RAI14: variants seen among roughly 807,000 people sequenced by gnomAD.
The protein encoded by RAI14 is ankycorbin.
In RAI14, 45 loss-of-function variants were observed where a neutral mutation model predicts 115.4. The ratio of observed to expected loss-of-function variants is 0.39; its 90% CI spans 0.31 to 0.50. The LOEUF (loss-of-function observed/expected upper bound fraction) is 0.50, where lower values mean the gene tolerates loss of function less well. Among genes scored for constraint, RAI14 ranks in the 20% least tolerant of loss-of-function variants. RAI14 has a pLI of 0.85. For synonymous variants in RAI14, 371 were observed against 415.4 expected, an observed-to-expected ratio of 0.89 and a Z score of 1.30; for missense variants, 939 against 1,131.2, an observed-to-expected ratio of 0.83 and a Z score of 2.44.
chr5:34,759,532 A>C (rs1748345299), intron 3 of RAI14, among the ~76,000 whole-genome samples: 2 of 152,162 alleles, frequency 1.3e-5, no homozygotes, highest in African/African-American at 4.8e-5. Flanking sequence ...TGCACATGCG[A>C]GGGATCTAGG....
rs565042013 is a variant in RAI14 at position 34,784,932 on chromosome 5, A to G, written c.168-11007A>G. 1.1e-4 allele frequency among the ~76,000 whole-genome samples: 17 copies of G among 152,326 alleles called. No homozygotes were observed. The South Asian group carries it at 3.3e-3, about 30-fold the overall frequency. On this transcript the variant is annotated intron_variant, in intron 3 of 17. Transcript: ENST00000265109. ...TTTTGAAAGTCATTTAATGTTTTCAATTGATCCCTACCTATGGCTACTTTC... is the reference window on the plus strand; with the variant it reads ...TTTTGAAAGTCATTTAATGTTTTCAGTTGATCCCTACCTATGGCTACTTTC...
chr5:34,758,925 G>T (rs1023910875), intron 3 of RAI14, among the ~76,000 whole-genome samples: 3 of 152,114 alleles, frequency 2.0e-5, no homozygotes, highest in African/African-American at 7.2e-5. Flanking sequence ...CACCCAAGGG[G>T]TAAGAAACCT....
At chr5:34,756,704 G>C (rs1462955967) in intron 2 of RAI14, among the ~76,000 whole-genome samples, 5 of 152,030 alleles carry the variant, frequency 3.3e-5, no homozygotes, top group Non-Finnish European at 7.4e-5. Flanking sequence ...GTCTTTCTTA[G>C]TCTTATATTC....
chr5:34,824,786 A>T (rs1757270425), intron 15 of RAI14, among the ~76,000 whole-genome samples: 1 of 152,016 alleles, frequency 6.6e-6, no homozygotes, highest in African/African-American at 2.4e-5. Context: ...TCTACTAAAA[A>T]TACAAAAATT....
At chr5:34,761,629 G>A (rs1239291314) in intron 3 of RAI14, among the ~76,000 whole-genome samples, 1 of 152,122 alleles carries the variant, frequency 6.6e-6, no homozygotes, top group Admixed American at 6.5e-5. Context: ...TTCTGGAAGT[G>A]GAGCTGTCTG....
At chr5:34,804,334 C>A (rs1202425979) in intron 5 of RAI14, among the ~76,000 whole-genome samples, 1 of 152,166 alleles carries the variant, frequency 6.6e-6, no homozygotes. Context: ...TTGTAATGAT[C>A]CCTTAAAGTG....
chr5:34,753,645 G>A (rs1747446707), intron 2 of RAI14, among the ~76,000 whole-genome samples: 1 of 152,108 alleles, frequency 6.6e-6, no homozygotes, highest in Admixed American at 6.5e-5. Context: ...GCCAGGTATT[G>A]TGAGTCACAC....
chr5:34,804,870 A>C (rs1224885169), intron 5 of RAI14, among the ~76,000 whole-genome samples: 1 of 152,104 alleles, frequency 6.6e-6, no homozygotes, highest in African/African-American at 2.4e-5. Flanking sequence ...GCCCTACCTC[A>C]ATTTTTAAGT....
At chr5:34,741,974 A>G (rs2150048846) in intron 2 of RAI14, among the ~76,000 whole-genome samples, 1 of 152,326 alleles carries the variant, frequency 6.6e-6, no homozygotes, top group Non-Finnish European at 1.5e-5. Flanking sequence ...GTCTAGCACG[A>G]TGCCTGGCAA....
At chr5:34,778,182 G>T (rs1370519442) in intron 3 of RAI14, among the ~76,000 whole-genome samples, 1 of 152,232 alleles carries the variant, frequency 6.6e-6, no homozygotes, top group African/African-American at 2.4e-5. Context: ...AAATGACAGT[G>T]TGAAGTTTTT....
At chr5:34,789,313 C>A (rs1752667141) in intron 3 of RAI14, among the ~76,000 whole-genome samples, 1 of 152,240 alleles carries the variant, frequency 6.6e-6, no homozygotes, top group Non-Finnish European at 1.5e-5. Flanking sequence ...ACTGACTGGT[C>A]ATGTTTTTCT....
chr5:34,811,693 T>A, intron 8 of RAI14, 74 bp from the exon 9 acceptor site: 1 of 1,352,832 alleles, frequency 7.4e-7, no homozygotes, highest in Non-Finnish European at 1.0e-6. Flanking sequence ...TCTCTTTTTT[T>A]AAGACAACTG....
chr5:34,669,423 C>T (rs182452925), intron 1 of RAI14, among the ~76,000 whole-genome samples: 3 of 152,282 alleles, frequency 2.0e-5, no homozygotes, highest in Admixed American at 6.5e-5. Flanking sequence ...AGTGCATAGT[C>T]CCTACAACAA....
In RAI14 at chr5:34,702,445, C is replaced by G. The variant is rs1436952123; in HGVS notation, c.36+15490C>G. 1.3e-5 allele frequency among the ~76,000 whole-genome samples: 2 copies of G among 152,192 alleles called. 1 individual carries two copies. Among genetic ancestry groups the G allele is most frequent in the African/African-American group, 4.8e-5 (2 of 41,446 alleles). ...CAGTGAACCTAGAACGAGCCCCTCA[C>G]GCCAGCCTGGGCGATCAAGCAAGAC... On this transcript the variant is annotated intron_variant, in intron 2 of 17. Coordinates refer to ENST00000265109, the MANE Select transcript of RAI14 (RefSeq NM_015577.3).
chr5:34,755,780 G>A (rs1282427483), intron 2 of RAI14, among the ~76,000 whole-genome samples: 1 of 152,178 alleles, frequency 6.6e-6, no homozygotes, highest in Admixed American at 6.5e-5. Context: ...AGACAGTCCT[G>A]TTCTAGAGTA....
intron 2 of RAI14, among the ~76,000 whole-genome samples, chr5:34,735,978 G>A (rs1268525211): frequency 1.3e-5 from 2 of 152,246 alleles, no homozygotes; most frequent in African/African-American, 2.4e-5. Flanking sequence ...CTTTTACTCA[G>A]CAGTTAATAT....
At chr5:34,754,031 A>G (rs552558930) in intron 2 of RAI14, among the ~76,000 whole-genome samples, 282 of 152,108 alleles carry the variant, frequency 1.9e-3, no homozygotes, top group Non-Finnish European at 3.1e-3. Context: ...CAGTGAGCCA[A>G]GATCGTGCCA....
At chr5:34,744,636 A>G (rs1342356532) in intron 2 of RAI14, among the ~76,000 whole-genome samples, 1 of 151,910 alleles carries the variant, frequency 6.6e-6, no homozygotes, top group African/African-American at 2.4e-5. Context: ...CAGGTCTTCC[A>G]CTCTCTGACT....
intron 2 of RAI14, among the ~76,000 whole-genome samples, chr5:34,703,782 C>CG (rs2149938910): frequency 6.6e-6 from 1 of 152,256 alleles, no homozygotes; most frequent in Non-Finnish European, 1.5e-5. Flanking sequence ...GTCTGCATTT[C>CG]GGGGGCATCC....
Sources: allele counts gnomAD v4.1 joint callset (sites outside exome capture counted in the v4.1 genomes callset), GRCh38; gene constraint gnomAD v4.1.1; transcripts MANE v1.5; gene names NCBI Gene and HGNC (gene_info 2026-07-23, HGNC 2026-07-21).